Variants in HS3ST3A1 observed in about 807,000 individuals in gnomAD.
HS3ST3A1 encodes heparan sulfate-glucosamine 3-sulfotransferase 3A1.
HS3ST3A1 carries 19 observed loss-of-function variants against 25.7 expected under a neutral mutation model. The ratio of observed to expected loss-of-function variants is 0.74; its 90% CI spans 0.52 to 1.08. The LOEUF (loss-of-function observed/expected upper bound fraction) is 1.08, where lower values mean the gene tolerates loss of function less well. Among genes scored for constraint, HS3ST3A1 ranks in the 50% least tolerant of loss-of-function variants. The probability of loss-of-function intolerance (pLI) is 0.00; values close to 1 mark genes in which losing one functional copy is unlikely to be tolerated. For synonymous variants in HS3ST3A1, 226 were observed against 278.6 expected, an observed-to-expected ratio of 0.81 and a Z score of 1.88; for missense variants, 459 against 594.3, an observed-to-expected ratio of 0.77 and a Z score of 2.37.
At chr17:13,573,287 CATAA>C (rs1907864446) in intron 1 of HS3ST3A1, among the ~76,000 whole-genome samples, 1 of 152,140 alleles carries the variant, frequency 6.6e-6, no homozygotes, top group Non-Finnish European at 1.5e-5. Context: ...CCTTCCAACT[CATAA>C]ATACTCAATC....
At chr17:13,500,674 T>G (rs1032400355) in intron 1 of HS3ST3A1, among the ~76,000 whole-genome samples, 1 of 152,122 alleles carries the variant, frequency 6.6e-6, no homozygotes, top group African/African-American at 2.4e-5. Context: ...ACAGTAGGTA[T>G]GAAGATGAGG....
chr17:13,570,042 C>A (rs2142372357), intron 1 of HS3ST3A1, among the ~76,000 whole-genome samples: 1 of 152,312 alleles, frequency 6.6e-6, no homozygotes, highest in African/African-American at 2.4e-5. Flanking sequence ...AGCTGGTTAA[C>A]AAACAGTTAT....
chr17:13,598,186 A>G (rs1004533803), intron 1 of HS3ST3A1, among the ~76,000 whole-genome samples: 1 of 152,186 alleles, frequency 6.6e-6, no homozygotes, highest in African/African-American at 2.4e-5. Flanking sequence ...GGTCTAACTG[A>G]ATCCCCTGTT....
chr17:13,504,467 T>C (rs1905590232), intron 1 of HS3ST3A1, among the ~76,000 whole-genome samples: 1 of 152,162 alleles, frequency 6.6e-6, no homozygotes. Context: ...AAATGGTGGT[T>C]ACCCTTAGGG....
At chr17:13,523,001 G>T (rs973536390) in intron 1 of HS3ST3A1, among the ~76,000 whole-genome samples, 4 of 152,026 alleles carry the variant, frequency 2.6e-5, no homozygotes, top group African/African-American at 9.7e-5. Context: ...GGGTGAGTGA[G>T]AAATGCCGAA....
At chr17:13,575,592 G>A (rs1420804894) in intron 1 of HS3ST3A1, among the ~76,000 whole-genome samples, 1 of 152,194 alleles carries the variant, frequency 6.6e-6, no homozygotes, top group African/African-American at 2.4e-5. Flanking sequence ...CCTTCTGCCT[G>A]TATCTGAGGT....
At chr17:13,508,255 A>G (rs1312942506) in intron 1 of HS3ST3A1, among the ~76,000 whole-genome samples, 4 of 152,244 alleles carry the variant, frequency 2.6e-5, no homozygotes, top group Non-Finnish European at 5.9e-5. Flanking sequence ...TCTTTATGAC[A>G]CAATATGTAC....
chr17:13,556,969 A>G (rs1388232065), intron 1 of HS3ST3A1, among the ~76,000 whole-genome samples: 1 of 152,196 alleles, frequency 6.6e-6, no homozygotes, highest in African/African-American at 2.4e-5. Flanking sequence ...CAGCGAACAG[A>G]TTCCCTGAAA....
intron 1 of HS3ST3A1, among the ~76,000 whole-genome samples, chr17:13,563,511 C>T (rs1008331810): frequency 2.3e-4 from 35 of 152,128 alleles, no homozygotes; most frequent in African/African-American, 7.5e-4. Flanking sequence ...AAGAAAATGT[C>T]AGATATGTCC....
At chr17:13,509,961 T>C (rs1392096149) in intron 1 of HS3ST3A1, among the ~76,000 whole-genome samples, 1 of 152,218 alleles carries the variant, frequency 6.6e-6, no homozygotes, top group South Asian at 2.1e-4. Flanking sequence ...AAAAACAAAA[T>C]TCATCTTGGG....
chr17:13,552,815 A>G (rs953659816), intron 1 of HS3ST3A1, among the ~76,000 whole-genome samples: 1 of 152,190 alleles, frequency 6.6e-6, no homozygotes, highest in East Asian at 1.9e-4. Context: ...TGGATGTGGT[A>G]TACTGGAGAA....
intron 1 of HS3ST3A1, among the ~76,000 whole-genome samples, chr17:13,556,242 T>A (rs748257856): frequency 4.6e-5 from 7 of 152,086 alleles, no homozygotes; most frequent in Non-Finnish European, 7.4e-5. Flanking sequence ...GCGCGGTGGC[T>A]CACATCTGTA....
chr17:13,515,129 A>C (rs574815909), intron 1 of HS3ST3A1, among the ~76,000 whole-genome samples: 10 of 152,322 alleles, frequency 6.6e-5, no homozygotes, highest in African/African-American at 2.2e-4. Flanking sequence ...TAGAATAGGA[A>C]ATTTCACATT....
intron 1 of HS3ST3A1, among the ~76,000 whole-genome samples, chr17:13,506,295 G>A (rs139906841): frequency 0.016 from 2,362 of 152,026 alleles, 60 homozygotes; most frequent in African/African-American, 0.054. Flanking sequence ...AATCACTTTC[G>A]TTCTCCTGGC....
chr17:13,585,302 C>G (rs1400975565), intron 1 of HS3ST3A1, among the ~76,000 whole-genome samples: 2 of 139,530 alleles, frequency 1.4e-5, no homozygotes, highest in African/African-American at 2.7e-5. Flanking sequence ...CGGGTTCAAG[C>G]GATTCTCCTG....
At chr17:13,508,194 C>A (rs367585622) in intron 1 of HS3ST3A1, among the ~76,000 whole-genome samples, 1 of 152,086 alleles carries the variant, frequency 6.6e-6, no homozygotes, top group East Asian at 1.9e-4. Flanking sequence ...AAACTTTTAA[C>A]GACCAGGTAA....
chr17:13,496,896 A>G, intron 1 of HS3ST3A1, 78 bp from the exon 2 acceptor site: 3 of 1,534,796 alleles, frequency 2.0e-6, no homozygotes, highest in Non-Finnish European at 2.6e-6. Flanking sequence ...TACACGCTGG[A>G]GCCAGGCCGC....
chr17:13,566,951 G>C (rs1907690778), intron 1 of HS3ST3A1, among the ~76,000 whole-genome samples: 1 of 152,216 alleles, frequency 6.6e-6, no homozygotes, highest in Admixed American at 6.5e-5. Flanking sequence ...TATTGATGAA[G>C]GTGGCTACAC....
intron 1 of HS3ST3A1, among the ~76,000 whole-genome samples, chr17:13,588,471 T>G (rs1908336256): frequency 6.6e-6 from 1 of 152,210 alleles, no homozygotes; most frequent in East Asian, 1.9e-4. Context: ...TTTAGTCTTT[T>G]CAAACATGAC....
Sources: allele counts gnomAD v4.1 joint callset (sites outside exome capture counted in the v4.1 genomes callset), GRCh38; gene constraint gnomAD v4.1.1; transcripts MANE v1.5; gene names NCBI Gene and HGNC (gene_info 2026-07-23, HGNC 2026-07-21).